FASTKD1: variants seen among roughly 807,000 people sequenced by gnomAD.
FASTKD1 encodes FAST kinase domain-containing protein 1, mitochondrial.
FASTKD1 carries 94 observed loss-of-function variants against 90.9 expected under a neutral mutation model. The observed-to-expected ratio is 1.03, with a 90% CI of 0.88 to 1.23. The LOEUF is 1.23. Among genes scored for constraint, FASTKD1 ranks in the 50% most tolerant of loss-of-function variants. The probability of loss-of-function intolerance (pLI) is 0.00; values close to 1 mark genes in which losing one functional copy is unlikely to be tolerated. For missense variants in FASTKD1, 945 were observed against 993.5 expected, an observed-to-expected ratio of 0.95 and a Z score of 0.66; for synonymous variants, 319 against 345.8, an observed-to-expected ratio of 0.92 and a Z score of 0.86.
Position 169,546,242 on chromosome 2 carries a change from T to C in FASTKD1, c.1677A>G (p.Ser559=), listed in dbSNP as rs2290010. ...LSTLLLDRIA[S]VAVQQIEKIH... is the part of the protein sequence containing the mutation. Reference sequence around the variant, plus strand: ...CCTTTTCAATCTGCTGAACAGCCACTGAGGCTATCCTATCTAGTAGCAAAG... The same window carrying C: ...CCTTTTCAATCTGCTGAACAGCCACCGAGGCTATCCTATCTAGTAGCAAAG... The change falls in exon 8 of 15, where the codon TCA becomes TCG. Residue 559 remains serine, a synonymous_variant. Coordinates refer to ENST00000453153, the MANE Select transcript of FASTKD1 (RefSeq NM_024622.6). 0.091 allele frequency: 144,573 copies of C among 1,584,092 alleles called. 8,070 individuals are homozygous for C. Among genetic ancestry groups the C allele is most frequent in the East Asian group, 0.22 (9,572 of 44,434 alleles).
At chr2:169,549,814 C>T (rs1302032305) in intron 7 of FASTKD1, among the ~76,000 whole-genome samples, 1 of 152,158 alleles carries the variant, frequency 6.6e-6, no homozygotes, top group Non-Finnish European at 1.5e-5. Flanking sequence ...AATATTAATA[C>T]TCAGTGTTAG....
rs868595829 is a variant in FASTKD1 at position 169,560,885 on chromosome 2, G to T, written c.573-100C>A. The T allele has an allele frequency of 5.8e-5, 56 of 968,170 alleles. No individual in the cohort carries two copies. In the South Asian group the frequency reaches 7.2e-4, roughly 12 times the overall value. The allele number at this position is 968,170 out of a possible 1,614,324, so 60.0% of individuals were successfully genotyped here. On this transcript the variant is annotated intron_variant, in intron 4 of 14. Coordinates refer to ENST00000453153, the MANE Select transcript of FASTKD1 (RefSeq NM_024622.6). The stretch of plus-strand genomic sequence containing the variant: ...TTTTGTAGAAACAGAGTCTTGCTAT[G>T]TTGCCAGGGCTGGTCTCAAACTCCT...
intron 12 of FASTKD1, among the ~76,000 whole-genome samples, chr2:169,533,311 A>G (rs1264123922): frequency 6.6e-6 from 1 of 152,140 alleles, no homozygotes; most frequent in East Asian, 1.9e-4. Context: ...TGTGATTTGA[A>G]AAGAATCAGA....
At chr2:169,551,376 A>G (rs148865526) in intron 7 of FASTKD1, among the ~76,000 whole-genome samples, 1,871 of 152,230 alleles carry the variant, frequency 0.012, 52 homozygotes, top group African/African-American at 0.043. Flanking sequence ...CTGGAAATAA[A>G]TCGAATATCC....
intron 7 of FASTKD1, among the ~76,000 whole-genome samples, chr2:169,552,923 T>C (rs1370748713): frequency 1.3e-5 from 2 of 152,006 alleles, no homozygotes; most frequent in African/African-American, 4.8e-5. Context: ...ACATAAAACA[T>C]AGGCCAGGTG....
intron 3 of FASTKD1, 55 bp from the exon 4 acceptor site, chr2:169,563,405 C>A: frequency 1.6e-6 from 2 of 1,271,900 alleles, no homozygotes; most frequent in South Asian, 1.6e-5. Flanking sequence ...ACTTAAAACA[C>A]ATAATATATA....
intron 4 of FASTKD1, among the ~76,000 whole-genome samples, chr2:169,561,485 C>A (rs1267627644): frequency 6.6e-6 from 1 of 151,792 alleles, no homozygotes; most frequent in Non-Finnish European, 1.5e-5. Context: ...ACAAAACAAA[C>A]CCTCAAACCA....
At chr2:169,557,796 G>T (rs1172838016) in intron 5 of FASTKD1, among the ~76,000 whole-genome samples, 1 of 152,186 alleles carries the variant, frequency 6.6e-6, no homozygotes, top group Non-Finnish European at 1.5e-5. Context: ...GGTCCATTTT[G>T]ACTATGATTA....
At position 169,529,502 on chromosome 2, in the gene FASTKD1, A is replaced by G. The variant is rs1430936445; in HGVS notation, c.*323T>C. ...ATTTGCCTCATCGTAGTCTTTTCTT[A>G]TCTCAACAAGGTAGCCAAAGTAACG... On this transcript the variant is annotated 3_prime_UTR_variant, in exon 15 of 15. Transcript: ENST00000453153. Among the ~76,000 whole-genome samples, 1 of 152,184 alleles carries G rather than the reference A, an allele frequency of 6.6e-6. No individual in the cohort carries two copies. Among genetic ancestry groups the G allele is most frequent in the Non-Finnish European group, 1.5e-5 (1 of 68,036 alleles).
In FASTKD1 at chr2:169,548,590, G is replaced by A. The variant is rs145953552; in HGVS notation, c.1215-1886C>T. ...TACTGAAAATACAAAAAATTAGCCG[G>A]GCGTGGTGGCACATGCCTGTAATCC... is the stretch of plus-strand genomic sequence containing the variant. On this transcript the variant is annotated intron_variant, in intron 7 of 14. Coordinates refer to ENST00000453153, the MANE Select transcript of FASTKD1 (RefSeq NM_024622.6). Among the ~76,000 whole-genome samples the A allele has an allele frequency of 8.9e-3, 1,351 of 151,756 alleles. 15 individuals carry two copies. The highest frequency in any genetic ancestry group is 0.037 in the Middle Eastern group (11 of 294).
intron 12 of FASTKD1, among the ~76,000 whole-genome samples, chr2:169,536,732 T>G (rs1684738081): frequency 1.3e-5 from 2 of 152,146 alleles, no homozygotes; most frequent in South Asian, 4.1e-4. Flanking sequence ...CACAATTCAA[T>G]CAGAATGCAT....
chr2:169,573,007 A>G (rs1007522274), intron 1 of FASTKD1: 59 of 152,322 alleles, frequency 3.9e-4, no homozygotes, highest in African/African-American at 1.3e-3. Context: ...TTCCAGGTTG[A>G]TATTATTTCC....
intron 7 of FASTKD1, among the ~76,000 whole-genome samples, chr2:169,548,086 A>G (rs1685298691): frequency 6.6e-6 from 1 of 151,594 alleles, no homozygotes; most frequent in African/African-American, 2.4e-5. Context: ...AAGGAATAAA[A>G]CAGGAAGACC....
Position 169,554,577 on chromosome 2 carries a change from T to C in FASTKD1, c.1214+547A>G, listed in dbSNP as rs140522942. Reference sequence around the variant, plus strand: ...TACTCGGGAGGCTGAGGCAGGAGAATTGCTTGAACTGGGGAGGCGGAGGTT... The same window carrying C: ...TACTCGGGAGGCTGAGGCAGGAGAACTGCTTGAACTGGGGAGGCGGAGGTT... On this transcript the variant is annotated intron_variant, in intron 7 of 14. Transcript: ENST00000453153. Among the ~76,000 whole-genome samples the C allele has an allele frequency of 9.5e-3, 1,355 of 142,864 alleles. 12 individuals are homozygous for C. Among genetic ancestry groups the C allele is most frequent in the Non-Finnish European group, 0.015 (954 of 63,188 alleles). 93.7% of individuals were successfully genotyped at this position (142,864 alleles called of 152,430 possible).
intron 12 of FASTKD1, 95 bp downstream of exon 12, chr2:169,537,132 T>C (rs1675768413): frequency 1.3e-6 from 1 of 791,780 alleles, no homozygotes; most frequent in African/African-American, 1.8e-5. Flanking sequence ...TTGAAAAAAA[T>C]TCAAAAAACT....
chr2:169,540,155 A>G lies in FASTKD1; in HGVS notation c.1841T>C (p.Val614Ala), dbSNP rs768584111. ...TGTGGCCAAAGAGAAACCAAGAAAC[A>G]CTAATATAAAAGGATCCAATATACC... ...YLGILDPFIL[V>A]FLGFSLATLE... The change falls in exon 10 of 15, where the codon GTG (valine) becomes GCG (alanine). Residue 614 changes from valine (V) to alanine (A), a missense_variant. By Grantham distance (64) the Val-to-Ala change is moderately conservative. Transcript: ENST00000453153. 9 of 1,592,030 alleles carry G rather than the reference A, an allele frequency of 5.7e-6. No individual in the cohort carries two copies. The Admixed American group carries it at 1.4e-4, about 24-fold the overall frequency.
At chr2:169,565,971 G>T (rs115874756) in intron 3 of FASTKD1, among the ~76,000 whole-genome samples, 1 of 152,060 alleles carries the variant, frequency 6.6e-6, no homozygotes, top group African/African-American at 2.4e-5. Context: ...CCATTTGCAC[G>T]GGTCTTTTGA....
intron 5 of FASTKD1, 92 bp downstream of exon 5, chr2:169,560,295 T>C: frequency 1.0e-6 from 1 of 968,666 alleles, no homozygotes; most frequent in Non-Finnish European, 1.5e-6. Context: ...AATAGGGTGA[T>C]ATTTGTACCT....
intron 3 of FASTKD1, among the ~76,000 whole-genome samples, chr2:169,564,379 C>A (rs998154752): frequency 1.6e-4 from 25 of 152,036 alleles, no homozygotes; most frequent in African/African-American, 6.0e-4. Flanking sequence ...TGAACTTGAA[C>A]ATCTAGGCTC....
Sources: allele counts gnomAD v4.1 joint callset (sites outside exome capture counted in the v4.1 genomes callset), GRCh38; gene constraint gnomAD v4.1.1; transcripts MANE v1.5; gene names NCBI Gene and HGNC (gene_info 2026-07-23, HGNC 2026-07-21).